Variants in CYP26C1 observed in about 807,000 individuals in gnomAD.
CYP26C1 encodes the protein cytochrome P450 26C1.
CYP26C1 carries 41 observed loss-of-function variants against 39.1 expected under a neutral mutation model. The observed-to-expected ratio is 1.05, with a 90% CI of 0.82 to 1.36. CYP26C1 has a LOEUF of 1.36. CYP26C1 is among the 40% of genes most tolerant of loss of function. The pLI, the probability that CYP26C1 is intolerant of heterozygous loss-of-function variation, is 0.00. For missense variants in CYP26C1, 833 were observed against 752.0 expected, an observed-to-expected ratio of 1.11 and a Z score of -1.26; for synonymous variants, 362 against 350.8, an observed-to-expected ratio of 1.03 and a Z score of -0.36.
At chr10:93,064,077 C>CT in intron 3 of CYP26C1, 1 of 1,167,862 alleles carries the variant, frequency 8.6e-7, no homozygotes, top group South Asian at 2.3e-5. Context: ...ACATGGACAG[C>CT]TGTGTGACTC....
Position 93,061,171 on chromosome 10 carries a change from G to A in CYP26C1, c.-93G>A. On this transcript the variant is annotated 5_prime_UTR_variant, in exon 1 of 6. Coordinates refer to ENST00000651965, the MANE Select transcript of CYP26C1 (RefSeq NM_183374.3). ...CCCAAACCCCAGGCCTTTTGCGGAC[G>A]GAACAGGTGAGCACTGCGCACTGCT... 7.5e-7 allele frequency: 1 copy of A among 1,333,402 alleles called. No individual in the cohort carries two copies. The highest frequency in any genetic ancestry group is 1.0e-6 in the Non-Finnish European group (1 of 981,530). 82.6% of individuals were successfully genotyped at this position (1,333,402 alleles called of 1,614,324 possible). A position where few individuals can be genotyped will look rare whatever the true frequency, so the allele number is the denominator to read the frequency against.
chr10:93,065,906 C>T (rs200957075), intron 4 of CYP26C1, 50 bp from the exon 5 acceptor site: 36 of 1,467,184 alleles, frequency 2.5e-5, no homozygotes, highest in African/African-American at 1.2e-4. Flanking sequence ...GTCAGCGCCC[C>T]GGGCGACTCC....
intron 1 of CYP26C1, 117 bp downstream of exon 1, chr10:93,061,584 C>A: frequency 7.6e-7 from 1 of 1,316,524 alleles, no homozygotes; most frequent in Non-Finnish European, 1.1e-6. Context: ...CCATCGCCCA[C>A]GACCCCGGGA....
intron 5 of CYP26C1, among the ~76,000 whole-genome samples, 173 bp downstream of exon 5, chr10:93,066,458 AG>A (rs1846830837): frequency 1.3e-5 from 2 of 152,020 alleles, no homozygotes; most frequent in African/African-American, 4.8e-5. Context: ...AAATGGGCTG[AG>A]CCTTGTTCCA....
chr10:93,062,348 C>T, intron 2 of CYP26C1, 114 bp downstream of exon 2: 1 of 1,133,518 alleles, frequency 8.8e-7, no homozygotes, highest in South Asian at 1.6e-5. Flanking sequence ...ACCAAGGTCC[C>T]TGGTAACTAG....
chr10:93,062,163 A>AGTGCGCACATCCTGCTGGGC lies in CYP26C1; in HGVS notation c.359_378dup (p.Ser127ValfsTer12). The AGTGCGCACATCCTGCTGGGC allele has an allele frequency of 1.3e-6, 2 of 1,540,096 alleles. No individual in the cohort carries two copies. The highest frequency in any genetic ancestry group is 1.7e-6 in the Non-Finnish European group (2 of 1,146,654). On this transcript the variant is annotated frameshift_variant, in exon 2 of 6. Transcript: ENST00000651965. LOFTEE classifies it high-confidence loss of function. ...CCTGGTGCGCAGCCAGTGGCCGCAG[A>AGTGCGCACATCCTGCTGGGC]GTGCGCACATCCTGCTGGGCTCGCA...
rs994522727 is a variant in CYP26C1, at chr10:93,066,080, A to G, written c.986A>G (p.Gln329Arg). The G allele has an allele frequency of 2.7e-6, 4 of 1,455,740 alleles. No individual in the cohort carries two copies. The highest frequency in any genetic ancestry group is 4.8e-5 in the Admixed American group (2 of 41,318). The allele number at this position is 1,455,740 out of a possible 1,614,324, so 90.2% of individuals were successfully genotyped here. Residue 329 changes from glutamine to arginine, a missense_variant, in exon 5 of 6, where the codon CAG (glutamine) becomes CGG (arginine). Physicochemically the swap from Gln to Arg is conservative, Grantham distance 43. Transcript: ENST00000651965. The part of the protein sequence containing the change: ...IAKIREELVA[Q>R]GLGRACGCAP... ...AAGATTCGGGAGGAGCTGGTGGCGC[A>G]GGGGCTGGGGCGCGCGTGCGGCTGC...
At chr10:93,066,408 C>A in intron 5 of CYP26C1, 123 bp downstream of exon 5, 2 of 987,046 alleles carry the variant, frequency 2.0e-6, no homozygotes, top group South Asian at 4.4e-5. Flanking sequence ...ACGGCGCGGT[C>A]ACCTCTTTTG....
chr10:93,062,909 T>C lies in CYP26C1; in HGVS notation c.619T>C (p.Cys207Arg). ...LLGLRLDEAQ[C>R]ATLARTFEQL... ...GGGGTTGCGGCTGGACGAGGCGCAG[T>C]GCGCCACGCTGGCCCGGACCTTCGA... Residue 207 changes from cysteine to arginine, a missense_variant, in exon 3 of 6, where the codon TGC (cysteine) becomes CGC (arginine). Cys to Arg is a radical substitution (Grantham distance 180). Transcript: ENST00000651965. The C allele has an allele frequency of 6.2e-7, 1 of 1,605,406 alleles. No individual in the cohort carries two copies. The highest frequency in any genetic ancestry group is 8.5e-7 in the Non-Finnish European group (1 of 1,178,800).
In CYP26C1 at chr10:93,065,937, G is replaced by C; in HGVS notation, c.862-19G>C. The C allele has an allele frequency of 6.4e-7, 1 of 1,558,096 alleles. No homozygotes were observed. Among genetic ancestry groups the C allele is most frequent in the Non-Finnish European group, 8.7e-7 (1 of 1,154,798 alleles). ...ACTCCACCGCCCGAGACTCAGTGCA[G>C]CCCGGGGCTGTCTTGCAGGAGTCGG... On this transcript the variant is annotated intron_variant, in intron 4 of 5. Coordinates refer to ENST00000651965, the MANE Select transcript of CYP26C1 (RefSeq NM_183374.3).
At chr10:93,068,031 T>C (rs1846848543) in intron 5 of CYP26C1, among the ~76,000 whole-genome samples, 1 of 152,228 alleles carries the variant, frequency 6.6e-6, no homozygotes, top group South Asian at 2.1e-4. Flanking sequence ...CACTCATATG[T>C]GCCAAGTCCT....
intron 5 of CYP26C1, among the ~76,000 whole-genome samples, chr10:93,067,208 CTGACAGCCTCATCCCACTTGTAGTG>C (rs1312725103): frequency 5.9e-5 from 9 of 152,244 alleles, no homozygotes; most frequent in South Asian, 2.1e-4. Context: ...GGGGCCGGGA[CTGACAGCCTCATCCCACTTGTAGTG>C]TGACAGCCTC....
intron 2 of CYP26C1, 131 bp from the exon 3 acceptor site, chr10:93,062,589 A>G (rs1289436363): frequency 2.4e-6 from 2 of 832,810 alleles, no homozygotes; most frequent in Non-Finnish European, 3.5e-6. Context: ...GCGAAAGCAA[A>G]AGCCAGGAAG....
Position 93,068,471 on chromosome 10 carries a change from A to G in CYP26C1, c.1343A>G (p.His448Arg), listed in dbSNP as rs1846856303. ...TCCCGGGGCGCCTCCAGCCGCTTCC[A>G]TTACATCCCGTTCGGCGGCGGTGCG... ...EDSRGASSRF[H>R]YIPFGGGARS... The change falls in exon 6 of 6, where the codon CAT becomes CGT. Residue 448 changes from histidine (H) to arginine (R), a missense_variant. Transcript: ENST00000651965. 1.2e-6 allele frequency: 2 copies of G among 1,611,202 alleles called. No homozygotes were observed. The highest frequency in any genetic ancestry group is 1.7e-5 in the Admixed American group (1 of 59,814).
Position 93,062,937 on chromosome 10 carries a change from A to G in CYP26C1, c.647A>G (p.Gln216Arg). The G allele has an allele frequency of 6.2e-7, 1 of 1,603,862 alleles. No individual in the cohort carries two copies. The highest frequency in any genetic ancestry group is 8.5e-7 in the Non-Finnish European group (1 of 1,178,032). Residue 216 changes from glutamine (Q) to arginine (R), a missense_variant, in exon 3 of 6, where the codon CAG (glutamine) becomes CGG (arginine). By Grantham distance (43) the Gln-to-Arg change is conservative (BLOSUM62 1). Transcript: ENST00000651965. ...GCCACGCTGGCCCGGACCTTCGAGCAGCTCGTGGAGAACCTCTTCTCACTG... is the reference window on the plus strand; with the variant it reads ...GCCACGCTGGCCCGGACCTTCGAGCGGCTCGTGGAGAACCTCTTCTCACTG... ...QCATLARTFE[Q>R]LVENLFSLPL...
chr10:93,062,203 C>G lies in CYP26C1; in HGVS notation c.398C>G (p.Ala133Gly), dbSNP rs373243793. Residue 133 changes from alanine to glycine, a missense_variant, in exon 2 of 6, where the codon GCG becomes GGG. Transcript: ENST00000651965. Reference protein sequence around the residue: ...ILLGSHTLLGAVGEPHRRRRK... With the variant: ...ILLGSHTLLGGVGEPHRRRRK... ...CTGGGCTCGCACACACTGCTAGGTGCGGTCGGCGAGCCGCACCGGCGGCGG... is the reference window on the plus strand; with the variant it reads ...CTGGGCTCGCACACACTGCTAGGTGGGGTCGGCGAGCCGCACCGGCGGCGG... 1 of 1,526,302 alleles carries G rather than the reference C, an allele frequency of 6.6e-7. No individual in the cohort carries two copies. The highest frequency in any genetic ancestry group is 2.0e-5 in the Admixed American group (1 of 50,416). The allele number at this position is 1,526,302 out of a possible 1,614,324, so 94.5% of individuals were successfully genotyped here. A position where few individuals can be genotyped will look rare whatever the true frequency, so the allele number is the denominator to read the frequency against.
chr10:93,068,817 C>T lies in CYP26C1; in HGVS notation c.*120C>T. The T allele has an allele frequency of 7.2e-7, 1 of 1,383,140 alleles. No homozygotes were observed. The highest frequency in any genetic ancestry group is 9.4e-7 in the Non-Finnish European group (1 of 1,062,784). The allele number at this position is 1,383,140 out of a possible 1,614,324, so 85.7% of individuals were successfully genotyped here. A position where few individuals can be genotyped will look rare whatever the true frequency, so the allele number is the denominator to read the frequency against. The stretch of plus-strand genomic sequence containing the variant: ...CTCTTTCACTCGTTCAACAATCTTT[C>T]AACAAATGTTCGCCAAACGCGGATG... On this transcript the variant is annotated 3_prime_UTR_variant, in exon 6 of 6. Coordinates refer to ENST00000651965, the MANE Select transcript of CYP26C1 (RefSeq NM_183374.3).
chr10:93,067,689 G>T (rs1846845252), intron 5 of CYP26C1, among the ~76,000 whole-genome samples: 1 of 152,194 alleles, frequency 6.6e-6, no homozygotes, highest in Admixed American at 6.5e-5. Flanking sequence ...AAGCCAAATG[G>T]TTGAAAAAGC....
In CYP26C1 at chr10:93,065,820, G is replaced by C. The variant is rs562665271; in HGVS notation, c.862-136G>C. The C allele has an allele frequency of 3.3e-5, 25 of 760,582 alleles. No homozygotes were observed. In the South Asian group the frequency reaches 8.0e-4, roughly 24 times the overall value. 47.1% of individuals were successfully genotyped at this position (760,582 alleles called of 1,614,324 possible). On this transcript the variant is annotated intron_variant, in intron 4 of 5. Transcript: ENST00000651965. The stretch of plus-strand genomic sequence containing the variant: ...TCAAAACCGTACACACAGTCGCGGC[G>C]GTAATAGCACTTCCCTGCCCCCTGG...
Sources: gnomAD v4.1 joint callset for allele counts (sites outside exome capture counted in the v4.1 genomes callset) on GRCh38, gnomAD v4.1.1 for gene constraint, MANE v1.5 for transcripts, NCBI Gene and HGNC (gene_info 2026-07-23, HGNC 2026-07-21) for gene names.